VPS8: variants seen among roughly 807,000 people sequenced by gnomAD.
VPS8 encodes VPS8 subunit of CORVET complex, also known as vacuolar protein sorting-associated protein 8 homolog.
A neutral mutation model predicts 216.4 loss-of-function variants in VPS8; 129 were observed. The ratio of observed to expected loss-of-function variants is 0.60; its 90% CI spans 0.52 to 0.69. The LOEUF is 0.69. VPS8 is among the 30% of genes least tolerant of loss of function. The probability of loss-of-function intolerance (pLI) is 0.00; values close to 1 mark genes in which losing one functional copy is unlikely to be tolerated. For synonymous variants in VPS8, 571 were observed against 565.4 expected (o/e 1.01, Z -0.14); for missense variants, 1,531 against 1,683.5 (o/e 0.91, Z 1.59).
chr3:184,882,321 A>C, intron 21 of VPS8: 2 of 444,950 alleles, frequency 4.5e-6, no homozygotes, highest in Non-Finnish European at 9.0e-6. Context: ...TATGTAATTA[A>C]TATGATCATG....
intron 45 of VPS8, among the ~76,000 whole-genome samples, chr3:185,017,643 A>G (rs1254520951): frequency 6.6e-6 from 1 of 152,158 alleles, no homozygotes; most frequent in African/African-American, 2.4e-5. Context: ...AAGTAATCCT[A>G]TCGTCCCCGC....
chr3:184,897,927 C>A (rs918731134), intron 23 of VPS8, among the ~76,000 whole-genome samples: 1 of 152,110 alleles, frequency 6.6e-6, no homozygotes, highest in Non-Finnish European at 1.5e-5. Context: ...CTCACTCTTG[C>A]TTCTTCCTAC....
At chr3:184,996,294 CCTT>C (rs1427041257) in intron 43 of VPS8, 35 bp from the exon 44 acceptor site, 1 of 1,565,024 alleles carries the variant, frequency 6.4e-7, no homozygotes. Flanking sequence ...CATCTTATAA[CCTT>C]TTGTTTGTTT....
chr3:185,039,066 C>T (rs1173147596), intron 46 of VPS8, among the ~76,000 whole-genome samples: 1 of 152,164 alleles, frequency 6.6e-6, no homozygotes, highest in African/African-American at 2.4e-5. Flanking sequence ...CAACTGTGAT[C>T]TTGGGATAAA....
At chr3:184,927,294 A>G (rs982009978) in intron 31 of VPS8, among the ~76,000 whole-genome samples, 5 of 152,186 alleles carry the variant, frequency 3.3e-5, no homozygotes, top group Admixed American at 1.3e-4. Flanking sequence ...TACTAAAATT[A>G]AGTACCATGA....
At chr3:184,916,122 G>T (rs932367042) in intron 28 of VPS8, among the ~76,000 whole-genome samples, 1 of 152,184 alleles carries the variant, frequency 6.6e-6, no homozygotes, top group African/African-American at 2.4e-5. Flanking sequence ...TGAAGGAGAT[G>T]CGGTAGTGAT....
chr3:184,985,037 C>T (rs937154023), intron 42 of VPS8, among the ~76,000 whole-genome samples: 1 of 151,986 alleles, frequency 6.6e-6, no homozygotes, highest in African/African-American at 2.4e-5. Flanking sequence ...TTGTTAACTC[C>T]CACTAATCAG....
At position 184,886,165 on chromosome 3, in the gene VPS8, G is replaced by A; in HGVS notation, c.1781+9G>A. ...CTTCTGCTGCAGCGAAAGTGAGTAT[G>A]CGTTGCCTGTCACATTCAATTATTT... is the stretch of plus-strand genomic sequence containing the variant. On this transcript the variant is annotated intron_variant, in intron 22 of 47. Coordinates refer to ENST00000625842, the MANE Select transcript of VPS8 (RefSeq NM_001009921.3). The A allele has an allele frequency of 6.2e-7, 1 of 1,604,544 alleles. No individual in the cohort carries two copies. Among genetic ancestry groups the A allele is most frequent in the Non-Finnish European group, 8.5e-7 (1 of 1,175,112 alleles).
At chr3:184,870,264 T>G (rs1215697207) in intron 20 of VPS8, among the ~76,000 whole-genome samples, 1 of 152,216 alleles carries the variant, frequency 6.6e-6, no homozygotes, top group African/African-American at 2.4e-5. Context: ...TAGACTGGGC[T>G]GAATTAATTG....
At chr3:184,951,205 G>A (rs980962558) in intron 36 of VPS8, among the ~76,000 whole-genome samples, 7 of 152,176 alleles carry the variant, frequency 4.6e-5, no homozygotes, top group African/African-American at 1.7e-4. Flanking sequence ...TTTAATGTGG[G>A]CTAGACATGG....
chr3:184,982,508 T>G, intron 40 of VPS8, 58 bp from the exon 41 acceptor site: 1 of 1,311,866 alleles, frequency 7.6e-7, no homozygotes, highest in South Asian at 1.2e-5. Flanking sequence ...TATTCTTTTG[T>G]TTTTCATTGT....
intron 36 of VPS8, among the ~76,000 whole-genome samples, chr3:184,957,144 C>T (rs1745742672): frequency 6.6e-6 from 1 of 152,134 alleles, no homozygotes; most frequent in Admixed American, 6.5e-5. Flanking sequence ...ATGTTACTTC[C>T]TTAATTATTC....
intron 40 of VPS8, among the ~76,000 whole-genome samples, chr3:184,973,111 G>C (rs1338725813): frequency 6.6e-6 from 1 of 152,032 alleles, no homozygotes; most frequent in Non-Finnish European, 1.5e-5. Flanking sequence ...AAATGTGATT[G>C]CTTTTCTTTA....
chr3:185,003,927 C>T (rs1481699834), intron 45 of VPS8, among the ~76,000 whole-genome samples: 5 of 151,434 alleles, frequency 3.3e-5, no homozygotes, highest in African/African-American at 4.9e-5. Context: ...GACGGGGTGG[C>T]GGGGCAGAGG....
At chr3:184,831,445 A>G (rs1193463529) in intron 3 of VPS8, among the ~76,000 whole-genome samples, 4 of 152,206 alleles carry the variant, frequency 2.6e-5, no homozygotes, top group African/African-American at 9.7e-5. Flanking sequence ...GTGAGTAGAC[A>G]TTAATCTCTC....
At chr3:184,890,034 G>C (rs1732051535) in intron 22 of VPS8, among the ~76,000 whole-genome samples, 1 of 152,072 alleles carries the variant, frequency 6.6e-6, no homozygotes, top group African/African-American at 2.4e-5. Context: ...TTTTTTCTTA[G>C]AGTTGCCATA....
intron 37 of VPS8, among the ~76,000 whole-genome samples, chr3:184,961,218 TACAG>T (rs1159353956): frequency 6.6e-6 from 1 of 152,064 alleles, no homozygotes; most frequent in African/African-American, 2.4e-5. Context: ...AATGAAAATG[TACAG>T]ACACACACGT....
chr3:185,024,860 G>A (rs776018144), intron 46 of VPS8, among the ~76,000 whole-genome samples: 22 of 152,062 alleles, frequency 1.4e-4, no homozygotes, highest in Non-Finnish European at 2.5e-4. Context: ...AAATTAGCTC[G>A]GCGTGGTGGT....
chr3:184,852,312 T>C (rs1724444505), intron 10 of VPS8, among the ~76,000 whole-genome samples, 188 bp from the exon 11 acceptor site: 1 of 152,206 alleles, frequency 6.6e-6, no homozygotes, highest in African/African-American at 2.4e-5. Flanking sequence ...TTTAAAGATA[T>C]TGGACCATTA....
Sources: gnomAD v4.1 joint callset for allele counts (sites outside exome capture counted in the v4.1 genomes callset) on GRCh38, gnomAD v4.1.1 for gene constraint, MANE v1.5 for transcripts, NCBI Gene and HGNC (gene_info 2026-07-23, HGNC 2026-07-21) for gene names.